Variants in MYO3A observed in about 807,000 individuals in gnomAD.
The protein encoded by MYO3A is myosin-IIIa.
In MYO3A, 180 loss-of-function variants were observed where a neutral mutation model predicts 192.7. The ratio of observed to expected loss-of-function variants is 0.93; its 90% CI spans 0.83 to 1.06. The LOEUF (loss-of-function observed/expected upper bound fraction) is 1.06, where lower values mean the gene tolerates loss of function less well. MYO3A is among the 50% of genes least tolerant of loss of function. The pLI, the probability that MYO3A is intolerant of heterozygous loss-of-function variation, is 0.00. For missense variants in MYO3A, 1,896 were observed against 1,905.0 expected (o/e 1.00, Z 0.09); for synonymous variants, 628 against 645.3 (o/e 0.97, Z 0.41).
At chr10:26,029,368 A>G (rs1588817117) in intron 10 of MYO3A, among the ~76,000 whole-genome samples, 1 of 152,038 alleles carries the variant, frequency 6.6e-6, no homozygotes, top group South Asian at 2.1e-4. Flanking sequence ...TTCACTTTTT[A>G]TTTCTGAGAC....
intron 14 of MYO3A, among the ~76,000 whole-genome samples, chr10:26,087,259 C>G (rs937154323): frequency 6.6e-5 from 10 of 152,270 alleles, no homozygotes; most frequent in Admixed American, 5.2e-4. Context: ...TCTTCCACAC[C>G]TTATTGCCTC....
In MYO3A at chr10:26,070,408, T is replaced by C. The variant is rs2131389305; in HGVS notation, c.1359+7T>C. On this transcript the variant is annotated splice_region_variant and intron_variant, in intron 14 of 34. Coordinates refer to ENST00000642920, the MANE Select transcript of MYO3A (RefSeq NM_017433.5). ...GCTGACAGTGCTTGGAAAGGTATAA[T>C]TTATTTTTTTCTCTGTCCCATCAGA... 2 of 1,608,924 alleles carry C rather than the reference T, an allele frequency of 1.2e-6. No homozygotes were observed. Among genetic ancestry groups the C allele is most frequent in the Middle Eastern group, 1.7e-4 (1 of 6,034 alleles).
intron 15 of MYO3A, among the ~76,000 whole-genome samples, chr10:26,095,415 G>A (rs1014382491): frequency 3.3e-5 from 5 of 152,144 alleles, no homozygotes; most frequent in Admixed American, 1.3e-4. Flanking sequence ...GTGGGAGGAC[G>A]AGAAGGGGAA....
At chr10:26,184,818 A>C (rs1056143318) in intron 31 of MYO3A, among the ~76,000 whole-genome samples, 8 of 152,200 alleles carry the variant, frequency 5.3e-5, no homozygotes, top group African/African-American at 1.9e-4. Context: ...GCTAGTACCC[A>C]CATTGATATG....
intron 6 of MYO3A, among the ~76,000 whole-genome samples, chr10:26,016,090 G>C (rs1007246763): frequency 1.3e-5 from 2 of 152,066 alleles, no homozygotes; most frequent in African/African-American, 4.8e-5. Flanking sequence ...AGGAGCAGGA[G>C]TGTGAAAATG....
intron 7 of MYO3A, among the ~76,000 whole-genome samples, chr10:26,018,096 CA>C (rs1842081323): frequency 6.6e-6 from 1 of 150,986 alleles, no homozygotes; most frequent in African/African-American, 2.4e-5. Context: ...TTTAAATTTC[CA>C]TTTAGTAAAA....
intron 10 of MYO3A, among the ~76,000 whole-genome samples, chr10:26,038,298 T>C (rs1843146450): frequency 6.6e-6 from 1 of 152,198 alleles, no homozygotes; most frequent in African/African-American, 2.4e-5. Flanking sequence ...TTGGGTAGTG[T>C]GGGTATTTTA....
chr10:26,212,095 C>A lies in MYO3A; in HGVS notation c.*132C>A. The A allele has an allele frequency of 7.4e-7, 1 of 1,343,602 alleles. No individual in the cohort carries two copies. The highest frequency in any genetic ancestry group is 9.9e-7 in the Non-Finnish European group (1 of 1,006,712). The allele number at this position is 1,343,602 out of a possible 1,614,324, so 83.2% of individuals were successfully genotyped here. A position where few individuals can be genotyped will look rare whatever the true frequency, so the allele number is the denominator to read the frequency against. ...CCCTGATCTCCGCAGAGGCTGCCTG[C>A]TGCGCTCGGCCCTCAAGTGCCCGGG... is the stretch of plus-strand genomic sequence containing the variant. On this transcript the variant is annotated 3_prime_UTR_variant, in exon 35 of 35. Transcript: ENST00000642920.
chr10:26,124,568 T>A (rs571318408), intron 18 of MYO3A, among the ~76,000 whole-genome samples: 12 of 152,256 alleles, frequency 7.9e-5, no homozygotes, highest in Non-Finnish European at 1.0e-4. Context: ...GGTTTAACAA[T>A]CTTAGCCATA....
chr10:26,164,681 C>G (rs1447131243), intron 26 of MYO3A, among the ~76,000 whole-genome samples: 2 of 152,136 alleles, frequency 1.3e-5, no homozygotes, highest in East Asian at 1.9e-4. Flanking sequence ...AAGATTTTCT[C>G]TGGCTGTGCT....
At chr10:26,047,429 C>CA (rs1413591790) in intron 10 of MYO3A, among the ~76,000 whole-genome samples, 1 of 152,052 alleles carries the variant, frequency 6.6e-6, no homozygotes, top group Non-Finnish European at 1.5e-5. Flanking sequence ...TTCAAATTAG[C>CA]AATGCCTAGG....
chr10:25,948,253 A>G (rs1247396501), intron 2 of MYO3A, among the ~76,000 whole-genome samples: 1 of 152,230 alleles, frequency 6.6e-6, no homozygotes, highest in East Asian at 1.9e-4. Flanking sequence ...AATTAGGTGC[A>G]TGTTTACAAA....
chr10:26,152,545 T>C (rs938309525), intron 23 of MYO3A, among the ~76,000 whole-genome samples: 1 of 152,220 alleles, frequency 6.6e-6, no homozygotes, highest in Non-Finnish European at 1.5e-5. Context: ...GCACCACAGT[T>C]ACTTGCAGCT....
intron 1 of MYO3A, among the ~76,000 whole-genome samples, chr10:25,935,209 A>G (rs1337756925): frequency 1.3e-5 from 2 of 152,232 alleles, no homozygotes; most frequent in Admixed American, 6.5e-5. Context: ...TATGATCATT[A>G]TTGAGAAATA....
Position 26,170,452 on chromosome 10 carries a change from A to G in MYO3A, c.3311A>G (p.Glu1104Gly). The change falls in exon 29 of 35, where the codon GAA becomes GGA. Residue 1104 changes from glutamate to glycine, a missense_variant. Transcript: ENST00000642920. ...CACCTTGTCAGGAAACAAAGAAAAG[A>G]AATTGTTGACATGAAAAACACAGCA... ...RGHLVRKQRKEIVDMKNTAVT... is the reference protein window; with the variant it reads ...RGHLVRKQRKGIVDMKNTAVT... The G allele has an allele frequency of 6.2e-7, 1 of 1,613,710 alleles. No homozygotes were observed. The highest frequency in any genetic ancestry group is 8.5e-7 in the Non-Finnish European group (1 of 1,179,770).
chr10:25,974,697 T>G (rs1838869235), intron 4 of MYO3A, among the ~76,000 whole-genome samples: 1 of 152,224 alleles, frequency 6.6e-6, no homozygotes, highest in Admixed American at 6.5e-5. Context: ...TGAATGTTTC[T>G]TCGCTGACTG....
At chr10:26,017,735 A>G (rs2131053093) in intron 7 of MYO3A, among the ~76,000 whole-genome samples, 1 of 151,962 alleles carries the variant, frequency 6.6e-6, no homozygotes, top group Admixed American at 6.5e-5. Context: ...TATTTTAAGA[A>G]ACTTAAAAAA....
At chr10:26,179,014 G>T (rs926812503) in intron 31 of MYO3A, among the ~76,000 whole-genome samples, 6 of 150,980 alleles carry the variant, frequency 4.0e-5, no homozygotes, top group Non-Finnish European at 7.4e-5. Context: ...TGTTAGCCAG[G>T]GTGGTCTCGA....
In MYO3A at chr10:26,168,850, G is replaced by A; in HGVS notation, c.3250G>A (p.Glu1084Lys). The change falls in exon 28 of 35, where the codon GAA (glutamate) becomes AAA (lysine). Residue 1084 changes from glutamate (E) to lysine (K), a missense_variant. By Grantham distance (56) the Glu-to-Lys change is moderately conservative. Coordinates refer to ENST00000642920, the MANE Select transcript of MYO3A (RefSeq NM_017433.5). ...CCAAAAAATACAGGAGAAAAGGAAAGAAAGCGCTATAATAATACAGTCAGG... is the reference window on the plus strand; with the variant it reads ...CCAAAAAATACAGGAGAAAAGGAAAAAAAGCGCTATAATAATACAGTCAGG... Reference protein sequence around the residue: ...RYQKIQEKRKESAIIIQSAAR... With the variant: ...RYQKIQEKRKKSAIIIQSAAR... 6.2e-7 allele frequency: 1 copy of A among 1,611,640 alleles called. No homozygotes were observed. The highest frequency in any genetic ancestry group is 8.5e-7 in the Non-Finnish European group (1 of 1,179,252).
Sources: gnomAD v4.1 joint callset for allele counts (sites outside exome capture counted in the v4.1 genomes callset) on GRCh38, gnomAD v4.1.1 for gene constraint, MANE v1.5 for transcripts, NCBI Gene and HGNC (gene_info 2026-07-23, HGNC 2026-07-21) for gene names.